The following SEMA6D variants were observed in gnomAD, a reference collection of about 807,000 sequenced individuals.
The protein encoded by SEMA6D is semaphorin-6D.
A neutral mutation model predicts 106.6 loss-of-function variants in SEMA6D; 35 were observed. The observed-to-expected ratio is 0.33, with a 90% CI of 0.25 to 0.44. The LOEUF is 0.44. Among genes scored for constraint, SEMA6D ranks in the 20% least tolerant of loss-of-function variants. SEMA6D has a pLI of 1.00. For synonymous variants in SEMA6D, 499 were observed against 487.7 expected (o/e 1.02, Z -0.31); for missense variants, 1,185 against 1,345.9 (o/e 0.88, Z 1.87).
intron 3 of SEMA6D, among the ~76,000 whole-genome samples, chr15:47,546,764 A>G (rs910802745): frequency 6.6e-6 from 1 of 151,790 alleles, no homozygotes; most frequent in Non-Finnish European, 1.5e-5. Flanking sequence ...CTACTGGACC[A>G]TTCATATTCA....
At chr15:47,324,385 A>G (rs2037043125) in intron 1 of SEMA6D, among the ~76,000 whole-genome samples, 1 of 152,096 alleles carries the variant, frequency 6.6e-6, no homozygotes, top group African/African-American at 2.4e-5. Context: ...TTTGAGGTAT[A>G]TATCTTTTAA....
At chr15:47,191,202 A>C (rs909782852) in intron 1 of SEMA6D, among the ~76,000 whole-genome samples, 1 of 150,802 alleles carries the variant, frequency 6.6e-6, no homozygotes, top group Non-Finnish European at 1.5e-5. Context: ...TATATACTTG[A>C]TATTCTTTTT....
chr15:47,278,238 A>C (rs977436247), intron 1 of SEMA6D, among the ~76,000 whole-genome samples: 13 of 152,256 alleles, frequency 8.5e-5, no homozygotes, highest in Non-Finnish European at 1.3e-4. Flanking sequence ...AACAGTGTAA[A>C]AGTGTTCCTG....
intron 2 of SEMA6D, among the ~76,000 whole-genome samples, chr15:47,436,828 A>G (rs544284235): frequency 3.3e-4 from 50 of 149,708 alleles, no homozygotes; most frequent in Admixed American, 1.5e-3. Context: ...TAGCTACTCA[A>G]GAGGCTGAGG....
chr15:47,767,169 T>G (rs2147884699), intron 17 of SEMA6D, 76 bp downstream of exon 17: 1 of 955,276 alleles, frequency 1.0e-6, no homozygotes, highest in South Asian at 1.6e-5. Context: ...CCTTCTCCCC[T>G]CCTTTTGCGC....
intron 1 of SEMA6D, among the ~76,000 whole-genome samples, chr15:47,367,507 C>A (rs1057259524): frequency 6.6e-6 from 1 of 152,080 alleles, no homozygotes; most frequent in Non-Finnish European, 1.5e-5. Context: ...AGCTATGGGG[C>A]ATTTAATTTC....
At chr15:47,285,156 T>G (rs2035304306) in intron 1 of SEMA6D, among the ~76,000 whole-genome samples, 1 of 152,182 alleles carries the variant, frequency 6.6e-6, no homozygotes, top group Non-Finnish European at 1.5e-5. Flanking sequence ...GCTTTGCAGG[T>G]AGTTGAGAGG....
chr15:47,185,151 C>T (rs1231767997), intron 1 of SEMA6D, among the ~76,000 whole-genome samples: 1 of 152,148 alleles, frequency 6.6e-6, no homozygotes, highest in Non-Finnish European at 1.5e-5. Flanking sequence ...CTGAGCGACA[C>T]AGACACCGCT....
chr15:47,726,447 G>C (rs59872748), intron 1 of SEMA6D, among the ~76,000 whole-genome samples: 20,107 of 152,188 alleles, frequency 0.13, 1,873 homozygotes, highest in East Asian at 0.47. Flanking sequence ...TGAGTCATGG[G>C]TGATGAAGTC....
At chr15:47,429,057 C>T (rs538723298) in intron 2 of SEMA6D, among the ~76,000 whole-genome samples, 113 of 151,692 alleles carry the variant, frequency 7.4e-4, no homozygotes, top group African/African-American at 2.6e-3. Flanking sequence ...AAGGAAATTC[C>T]AGTAAAATAG....
chr15:47,481,200 A>G (rs371214817), intron 3 of SEMA6D, among the ~76,000 whole-genome samples: 12 of 152,196 alleles, frequency 7.9e-5, no homozygotes, highest in African/African-American at 2.9e-4. Context: ...CAGTAGATGA[A>G]GGCAGCTTAG....
intron 3 of SEMA6D, among the ~76,000 whole-genome samples, chr15:47,600,168 G>T (rs1216596896): frequency 1.3e-5 from 2 of 152,126 alleles, no homozygotes; most frequent in South Asian, 2.1e-4. Flanking sequence ...CAGGCGTGGT[G>T]TTTGGCTTAA....
chr15:47,328,163 C>T (rs555349841), intron 1 of SEMA6D, among the ~76,000 whole-genome samples: 1 of 152,172 alleles, frequency 6.6e-6, no homozygotes, highest in South Asian at 2.1e-4. Context: ...AGACAAAAAC[C>T]AATTTTAAAT....
chr15:47,723,307 A>G (rs1226573188), intron 1 of SEMA6D, among the ~76,000 whole-genome samples: 1 of 152,012 alleles, frequency 6.6e-6, no homozygotes, highest in African/African-American at 2.4e-5. Flanking sequence ...ATCTTCTCCC[A>G]CCATTTTTCT....
chr15:47,552,799 TATATAAAAATATATATAA>T (rs1173062313), intron 3 of SEMA6D, among the ~76,000 whole-genome samples: 862 of 52,018 alleles, frequency 0.017, 91 homozygotes, highest in African/African-American at 0.08. Context: ...TTTTTATATA[TATATAAAAATATATATAA>T]ATATATATAT....
chr15:47,660,195 T>TAA, intron 4 of SEMA6D, among the ~76,000 whole-genome samples: 1 of 146,900 alleles, frequency 6.8e-6, no homozygotes, highest in African/African-American at 2.5e-5. Flanking sequence ...ATCAACATAA[T>TAA]AAAAAAAAAA....
intron 3 of SEMA6D, among the ~76,000 whole-genome samples, chr15:47,502,337 A>G (rs1263744507): frequency 6.6e-6 from 1 of 152,224 alleles, no homozygotes; most frequent in Non-Finnish European, 1.5e-5. Flanking sequence ...GAGAGAGAAC[A>G]TAAATAAATT....
At chr15:47,194,226 A>C (rs1894175744) in intron 1 of SEMA6D, among the ~76,000 whole-genome samples, 1 of 152,152 alleles carries the variant, frequency 6.6e-6, no homozygotes, top group Admixed American at 6.6e-5. Flanking sequence ...TACAAGGTCA[A>C]ATATATATGT....
chr15:47,378,936 G>A (rs147684162), intron 1 of SEMA6D, among the ~76,000 whole-genome samples: 32 of 152,252 alleles, frequency 2.1e-4, no homozygotes, highest in African/African-American at 5.1e-4. Context: ...AAGGGATCTC[G>A]GAAGACATAC....
Sources: allele counts gnomAD v4.1 joint callset (sites outside exome capture counted in the v4.1 genomes callset), GRCh38; gene constraint gnomAD v4.1.1; transcripts MANE v1.5; gene names NCBI Gene and HGNC (gene_info 2026-07-23, HGNC 2026-07-21).